Variants in MAP3K19 observed in about 807,000 individuals in gnomAD.
MAP3K19 encodes the protein mitogen-activated protein kinase kinase kinase 19.
In MAP3K19, 91 loss-of-function variants were observed where a neutral mutation model predicts 114.4. That is an observed-to-expected ratio of 0.80 (90% CI 0.67 to 0.95). The LOEUF (loss-of-function observed/expected upper bound fraction) is 0.95. Ranked by LOEUF, MAP3K19 falls within the 40% of genes least tolerant of loss-of-function variation. The pLI, the probability that MAP3K19 is intolerant of heterozygous loss-of-function variation, is 0.00. For synonymous variants in MAP3K19, 518 were observed against 530.5 expected (o/e 0.98, Z 0.32); for missense variants, 1,471 against 1,573.2 (o/e 0.94, Z 1.10).
At chr2:135,041,257 C>T (rs982175431) in intron 1 of MAP3K19, among the ~76,000 whole-genome samples, 5 of 151,966 alleles carry the variant, frequency 3.3e-5, no homozygotes, top group Non-Finnish European at 7.4e-5. Flanking sequence ...TTTTAAATAA[C>T]TCATATCAGT....
intron 4 of MAP3K19, among the ~76,000 whole-genome samples, chr2:135,023,953 C>A (rs1688149747): frequency 6.6e-6 from 1 of 152,074 alleles, no homozygotes; most frequent in South Asian, 2.1e-4. Context: ...CCTCCATGGG[C>A]CCAGTTTCTT....
intron 8 of MAP3K19, among the ~76,000 whole-genome samples, chr2:134,993,921 G>A (rs1210150864): frequency 6.6e-6 from 1 of 152,100 alleles, no homozygotes; most frequent in African/African-American, 2.4e-5. Flanking sequence ...TGTGGTGGAG[G>A]ATCACTTAAG....
chr2:135,016,587 C>T (rs907613861), intron 5 of MAP3K19, among the ~76,000 whole-genome samples: 3 of 152,074 alleles, frequency 2.0e-5, no homozygotes, highest in African/African-American at 7.3e-5. Flanking sequence ...AATCTACAAA[C>T]GAATTTGGCA....
chr2:134,969,338 C>T (rs930690423), intron 12 of MAP3K19, among the ~76,000 whole-genome samples: 3 of 151,742 alleles, frequency 2.0e-5, no homozygotes, highest in Non-Finnish European at 4.4e-5. Flanking sequence ...AGAGGGAGAC[C>T]GTGGAAAGAG....
intron 12 of MAP3K19, among the ~76,000 whole-genome samples, chr2:134,970,918 C>T (rs561180098): frequency 6.6e-6 from 1 of 152,226 alleles, no homozygotes; most frequent in South Asian, 2.1e-4. Flanking sequence ...TATTCTTTCT[C>T]TTGCCTAATC....
At chr2:135,026,151 C>T (rs2104778029) in intron 3 of MAP3K19, among the ~76,000 whole-genome samples, 1 of 152,270 alleles carries the variant, frequency 6.6e-6, no homozygotes, top group Non-Finnish European at 1.5e-5. Context: ...TTAAGCAAGC[C>T]ACTTATCATA....
chr2:134,986,927 T>C lies in MAP3K19; in HGVS notation c.1945A>G (p.Met649Val), dbSNP rs1018997679. ...GCAGTTGAATTGATTTCTTTGAACA[T>C]ATCACTATACTTAAGATCTAGGTAA... Reference protein sequence around the residue: ...LNYLDLKYSDMFKEINSTANG... With the variant: ...LNYLDLKYSDVFKEINSTANG... Residue 649 changes from methionine (M) to valine (V), a missense_variant, in exon 10 of 13, where the codon ATG (methionine) becomes GTG (valine). Transcript: ENST00000392915. 1 of 1,614,026 alleles carries C rather than the reference T, an allele frequency of 6.2e-7. No homozygotes were observed. Among genetic ancestry groups the C allele is most frequent in the African/African-American group, 1.3e-5 (1 of 74,914 alleles).
At position 135,017,614 on chromosome 2, in the gene MAP3K19, C is replaced by G. The variant is rs148385079; in HGVS notation, c.138+4101G>C. Reference sequence around the variant, plus strand: ...TCTGCTCCTTATATACATTTTCAACCAAACCCTCCTGTTTTTCAACCTCAT... The same window carrying G: ...TCTGCTCCTTATATACATTTTCAACGAAACCCTCCTGTTTTTCAACCTCAT... On this transcript the variant is annotated intron_variant, in intron 5 of 12. Coordinates refer to ENST00000392915, the MANE Select transcript of MAP3K19 (RefSeq NM_025052.5). Among the ~76,000 whole-genome samples the G allele has an allele frequency of 3.3e-5, 5 of 152,240 alleles. No homozygotes were observed. In the East Asian group the frequency reaches 9.6e-4, roughly 29 times the overall value.
intron 12 of MAP3K19, among the ~76,000 whole-genome samples, chr2:134,976,803 T>C (rs566480147): frequency 6.6e-6 from 1 of 151,736 alleles, no homozygotes; most frequent in Admixed American, 6.6e-5. Flanking sequence ...TCTCAGCACT[T>C]TGGGAGGCTA....
chr2:134,972,544 G>A (rs889066325), intron 12 of MAP3K19, among the ~76,000 whole-genome samples: 1 of 151,588 alleles, frequency 6.6e-6, no homozygotes, highest in African/African-American at 2.4e-5. Flanking sequence ...CTGCAGTCTC[G>A]AACTCTTGGG....
At chr2:135,036,564 G>A (rs984889014) in intron 2 of MAP3K19, among the ~76,000 whole-genome samples, 1 of 151,918 alleles carries the variant, frequency 6.6e-6, no homozygotes, top group African/African-American at 2.4e-5. Flanking sequence ...AGATGATGAA[G>A]ATAATTTTGG....
At chr2:135,025,398 T>C (rs75468003) in intron 3 of MAP3K19, among the ~76,000 whole-genome samples, 1 of 141,382 alleles carries the variant, frequency 7.1e-6, no homozygotes, top group Non-Finnish European at 1.5e-5. Context: ...TTTTTTTTTT[T>C]TTTTTGAGGC....
chr2:134,989,618 A>G (rs1451974461), intron 9 of MAP3K19, among the ~76,000 whole-genome samples: 2 of 152,226 alleles, frequency 1.3e-5, no homozygotes, highest in African/African-American at 4.8e-5. Context: ...GTACCTATGC[A>G]TAAGTATTTC....
chr2:134,994,368 G>A (rs943551907), intron 8 of MAP3K19, among the ~76,000 whole-genome samples: 1 of 152,214 alleles, frequency 6.6e-6, no homozygotes, highest in Non-Finnish European at 1.5e-5. Context: ...TGAAACGAGA[G>A]GGTGCTCATA....
chr2:135,004,833 C>A (rs995708013), intron 6 of MAP3K19, among the ~76,000 whole-genome samples: 1 of 152,150 alleles, frequency 6.6e-6, no homozygotes, highest in Non-Finnish European at 1.5e-5. Flanking sequence ...GTACACTCCC[C>A]CACCTTCCCC....
Position 134,987,748 on chromosome 2 carries a change from G to T in MAP3K19, c.1124C>A (p.Ser375Ter). ...ATCTTGTTCATAGTTTTTGGCTACT[G>T]AACTCTCATTCTTTCTTGATGAAAG... ...QYLSSRKNESSVAKNYEQDPE... is the reference protein window; with the variant it reads ...QYLSSRKNES The change falls in exon 10 of 13, where the codon TCA becomes TAA. Residue 375 changes from serine to a stop codon, truncating the protein, a stop_gained. Transcript: ENST00000392915. LOFTEE classifies it high-confidence loss of function. 6.2e-7 allele frequency: 1 copy of T among 1,609,478 alleles called. No individual in the cohort carries two copies. The highest frequency in any genetic ancestry group is 1.1e-5 in the South Asian group (1 of 91,026).
At chr2:135,046,147 A>G (rs1688737134) in intron 1 of MAP3K19, among the ~76,000 whole-genome samples, 1 of 152,154 alleles carries the variant, frequency 6.6e-6, no homozygotes, top group African/African-American at 2.4e-5. Flanking sequence ...GCCCAGGCTT[A>G]GTCACAAACC....
chr2:134,998,686 T>C (rs1686204570), intron 8 of MAP3K19, 52 bp downstream of exon 8: 3 of 1,533,450 alleles, frequency 2.0e-6, no homozygotes, highest in Non-Finnish European at 2.6e-6. Context: ...GCACAATACA[T>C]AAATATTTGT....
intron 9 of MAP3K19, among the ~76,000 whole-genome samples, chr2:134,990,095 A>G (rs1342830353): frequency 6.6e-6 from 1 of 151,904 alleles, no homozygotes; most frequent in East Asian, 1.9e-4. Flanking sequence ...AAAAAAAAAA[A>G]TGTCTAAGGG....
Sources: gnomAD v4.1 joint callset for allele counts (sites outside exome capture counted in the v4.1 genomes callset) on GRCh38, gnomAD v4.1.1 for gene constraint, MANE v1.5 for transcripts, NCBI Gene and HGNC (gene_info 2026-07-23, HGNC 2026-07-21) for gene names.